The following RAB39A variants were observed in gnomAD, a reference collection of about 807,000 sequenced individuals.
RAB39A encodes RAB39A, member RAS oncogene family, also known as ras-related protein Rab-39A.
RAB39A carries 17 observed loss-of-function variants against 20.9 expected under a neutral mutation model. That is an observed-to-expected ratio of 0.81 (90% CI 0.56 to 1.22). The LOEUF (loss-of-function observed/expected upper bound fraction) is 1.22. Ranked by LOEUF, RAB39A falls within the 50% of genes most tolerant of loss-of-function variation. The pLI, the probability that RAB39A is intolerant of heterozygous loss-of-function variation, is 0.00. For synonymous variants in RAB39A, 99 were observed against 103.4 expected, an observed-to-expected ratio of 0.96 and a Z score of 0.26; for missense variants, 234 against 270.5, an observed-to-expected ratio of 0.87 and a Z score of 0.95.
At chr11:107,938,359 C>CAAAA (rs58613355) in intron 1 of RAB39A, among the ~76,000 whole-genome samples, 78 of 63,084 alleles carry the variant, frequency 1.2e-3, no homozygotes, top group East Asian at 1.7e-3. Flanking sequence ...GACTCCGTCT[C>CAAAA]AAAAAAAAAA....
chr11:107,947,572 A>G (rs1441610194), intron 1 of RAB39A, among the ~76,000 whole-genome samples: 1 of 152,162 alleles, frequency 6.6e-6, no homozygotes, highest in Non-Finnish European at 1.5e-5. Context: ...TTCAGATTAG[A>G]ATGGCCCACC....
chr11:107,950,341 CA>C (rs1284970488), intron 1 of RAB39A, among the ~76,000 whole-genome samples: 2 of 152,166 alleles, frequency 1.3e-5, no homozygotes, highest in African/African-American at 2.4e-5. Context: ...CCCATTTCCT[CA>C]GCATTTGAAT....
chr11:107,930,753 G>A (rs973952298), intron 1 of RAB39A, among the ~76,000 whole-genome samples: 2 of 151,888 alleles, frequency 1.3e-5, no homozygotes, highest in African/African-American at 4.8e-5. Flanking sequence ...CTACTCAGGA[G>A]GCTGAGGCAG....
intron 1 of RAB39A, among the ~76,000 whole-genome samples, chr11:107,948,037 A>G (rs1271465894): frequency 6.6e-6 from 1 of 151,962 alleles, no homozygotes; most frequent in Non-Finnish European, 1.5e-5. Flanking sequence ...CATGGGGTAC[A>G]AGGAACAGCT....
intron 1 of RAB39A, among the ~76,000 whole-genome samples, chr11:107,958,910 A>G (rs948246379): frequency 2.6e-5 from 4 of 152,130 alleles, no homozygotes; most frequent in Non-Finnish European, 5.9e-5. Context: ...ACCTGAGGTC[A>G]GGAGCTCGAG....
chr11:107,939,728 T>C (rs192034891), intron 1 of RAB39A, among the ~76,000 whole-genome samples: 1 of 152,280 alleles, frequency 6.6e-6, no homozygotes, highest in Non-Finnish European at 1.5e-5. Context: ...TGAAATGTTA[T>C]TTCATCTTGA....
chr11:107,935,654 G>A (rs922752924), intron 1 of RAB39A, among the ~76,000 whole-genome samples: 4 of 152,054 alleles, frequency 2.6e-5, no homozygotes, highest in African/African-American at 9.7e-5. Flanking sequence ...GGGATTACAG[G>A]TGTGAGCCAC....
chr11:107,951,380 T>C (rs1440349224), intron 1 of RAB39A, among the ~76,000 whole-genome samples: 2 of 152,212 alleles, frequency 1.3e-5, no homozygotes, highest in African/African-American at 2.4e-5. Context: ...AATGCATTCA[T>C]AGGCTACTTG....
In RAB39A at chr11:107,962,205, A is replaced by G; in HGVS notation, c.487A>G (p.Asn163Asp). 1 of 1,614,118 alleles carries G rather than the reference A, an allele frequency of 6.2e-7. No individual in the cohort carries two copies. The highest frequency in any genetic ancestry group is 8.5e-7 in the Non-Finnish European group (1 of 1,179,994). ...YIETSAKDAT[N>D]VEESFTILTR... ...AGAAACCTCAGCAAAGGATGCTACA[A>G]ATGTTGAAGAATCCTTCACAATCTT... is the stretch of plus-strand genomic sequence containing the variant. The change falls in exon 2 of 2, where the codon AAT becomes GAT. Residue 163 changes from asparagine to aspartate, a missense_variant. By Grantham distance (23) the Asn-to-Asp change is conservative. Coordinates refer to ENST00000320578, the MANE Select transcript of RAB39A (RefSeq NM_017516.3).
rs905185584 is a variant in RAB39A, at chr11:107,928,482, C to A, written c.-87C>A. The A allele has an allele frequency of 2.0e-6, 2 of 1,018,152 alleles. No individual in the cohort carries two copies. Among genetic ancestry groups the A allele is most frequent in the South Asian group, 3.3e-5 (1 of 30,002 alleles). 63.1% of individuals were successfully genotyped at this position (1,018,152 alleles called of 1,614,324 possible). A position where few individuals can be genotyped will look rare whatever the true frequency, so the allele number is the denominator to read the frequency against. On this transcript the variant is annotated 5_prime_UTR_variant, in exon 1 of 2. Transcript: ENST00000320578. This position sits in a 1 kb window ranked among gnomAD's most constrained non-coding sequence, Gnocchi z 4.9. ...AATATGCTGGAAGGCGGCGGGCGGG[C>A]GCCCGCGAGGTGCTGAAAGGACAGT...
chr11:107,961,778 A>C (rs1422650600), intron 1 of RAB39A, among the ~76,000 whole-genome samples, 168 bp from the exon 2 acceptor site: 1 of 152,252 alleles, frequency 6.6e-6, no homozygotes, highest in African/African-American at 2.4e-5. Flanking sequence ...CTTGCGTATT[A>C]GTCCCATAGA....
At position 107,928,729 on chromosome 11, in the gene RAB39A, TG is replaced by T. The variant is rs1861108347; in HGVS notation, c.163del (p.Glu55ArgfsTer24). 3.7e-6 allele frequency: 6 copies of T among 1,609,638 alleles called. No homozygotes were observed. The highest frequency in any genetic ancestry group is 5.1e-6 in the Non-Finnish European group (6 of 1,177,816). On this transcript the variant is annotated frameshift_variant, in exon 1 of 2. Coordinates refer to ENST00000320578, the MANE Select transcript of RAB39A (RefSeq NM_017516.3). LOFTEE classifies it high-confidence loss of function. This position sits in a 1 kb window ranked among gnomAD's most constrained non-coding sequence, Gnocchi z 4.9. ...TVGVDFFSRL[L>X]EIEPGKRIKL... ...GGCGTGGACTTCTTCTCCCGCCTGC[TG>T]GAGATCGAGCCGGGCAAGAGGATCA...
At chr11:107,932,365 G>A (rs1261046663) in intron 1 of RAB39A, among the ~76,000 whole-genome samples, 1 of 152,180 alleles carries the variant, frequency 6.6e-6, no homozygotes, top group Non-Finnish European at 1.5e-5. Context: ...TGTATAGAGT[G>A]GTCCAAGTTG....
Position 107,962,485 on chromosome 11 carries a change from C to G in RAB39A, c.*113C>G, listed in dbSNP as rs747040630. 8 of 964,168 alleles carry G rather than the reference C, an allele frequency of 8.3e-6. No homozygotes were observed. The highest frequency in any genetic ancestry group is 1.1e-5 in the Non-Finnish European group (7 of 664,480). The allele number at this position is 964,168 out of a possible 1,614,324, so 59.7% of individuals were successfully genotyped here. A position where few individuals can be genotyped will look rare whatever the true frequency, so the allele number is the denominator to read the frequency against. On this transcript the variant is annotated 3_prime_UTR_variant, in exon 2 of 2. Coordinates refer to ENST00000320578, the MANE Select transcript of RAB39A (RefSeq NM_017516.3). ...AGAATTTAAAAAGGTTACAAACCCA[C>G]ACCAATACTATTTTATAAGGTATTT...
intron 1 of RAB39A, among the ~76,000 whole-genome samples, chr11:107,946,566 G>C (rs1296681820): frequency 3.7e-5 from 5 of 136,340 alleles, no homozygotes; most frequent in Non-Finnish European, 7.7e-5. Flanking sequence ...TCCGCCTCCC[G>C]GGTTCACGCC....
intron 1 of RAB39A, among the ~76,000 whole-genome samples, chr11:107,930,791 G>A (rs1027039544): frequency 5.9e-5 from 9 of 151,932 alleles, no homozygotes; most frequent in African/African-American, 1.7e-4. Flanking sequence ...GGGAGGCAGA[G>A]TTTGCAGTGA....
chr11:107,953,676 T>C (rs549991501), intron 1 of RAB39A, among the ~76,000 whole-genome samples: 2 of 152,330 alleles, frequency 1.3e-5, no homozygotes, highest in African/African-American at 2.4e-5. Context: ...CAAAAAATTT[T>C]AGTGACTCAT....
chr11:107,946,436 GTA>G (rs1565464268), intron 1 of RAB39A, among the ~76,000 whole-genome samples: 61 of 30,468 alleles, frequency 2.0e-3, no homozygotes, highest in South Asian at 8.3e-3. Flanking sequence ...GTGTGTGTGT[GTA>G]TATATATATA....
At chr11:107,938,349 G>T (rs1861219979) in intron 1 of RAB39A, among the ~76,000 whole-genome samples, 1 of 112,216 alleles carries the variant, frequency 8.9e-6, no homozygotes. Context: ...AATAGAGCAA[G>T]ACTCCGTCTC....
Sources: allele counts gnomAD v4.1 joint callset (sites outside exome capture counted in the v4.1 genomes callset), GRCh38; gene constraint gnomAD v4.1.1; non-coding constraint Gnocchi (gnomAD v3.1); transcripts MANE v1.5; gene names NCBI Gene and HGNC (gene_info 2026-07-23, HGNC 2026-07-21).